The following IQSEC1 variants were observed in gnomAD, a reference collection of about 807,000 sequenced individuals.
IQSEC1 encodes the protein IQ motif and Sec7 domain ArfGEF 1.
A neutral mutation model predicts 91.0 loss-of-function variants in IQSEC1; 31 were observed. That is an observed-to-expected ratio of 0.34 (90% CI 0.26 to 0.46). IQSEC1 has a LOEUF of 0.46. IQSEC1 is among the 20% of genes least tolerant of loss of function. IQSEC1 has a pLI of 1.00. For synonymous variants in IQSEC1, 699 were observed against 662.6 expected (o/e 1.05, Z -0.84); for missense variants, 1,388 against 1,575.6 (o/e 0.88, Z 2.02).
chr3:12,908,489 C>T lies in IQSEC1; in HGVS notation c.2615G>A (p.Ser872Asn), dbSNP rs1695227273. The change falls in exon 12 of 14, where the codon AGC becomes AAC. Residue 872 changes from serine to asparagine, a missense_variant. Physicochemically the swap from Ser to Asn is conservative, Grantham distance 46. Transcript: ENST00000613206. The surrounding 1 kb of genome is among the most constrained non-coding windows in gnomAD (Gnocchi z 4.9). ...TTTGAGGCTAGAGCACTGGGACATG[C>T]TGGGCCGCACGACGCCTTTCTGCTT... is the stretch of plus-strand genomic sequence containing the variant. ...LEKQKGVVRP[S>N]MSQCSSLKKE... The T allele has an allele frequency of 6.2e-7, 1 of 1,613,600 alleles. No homozygotes were observed. The highest frequency in any genetic ancestry group is 8.5e-7 in the Non-Finnish European group (1 of 1,180,020).
intron 1 of IQSEC1, among the ~76,000 whole-genome samples, chr3:13,233,143 T>G (rs915956712): frequency 3.3e-5 from 5 of 152,312 alleles, no homozygotes; most frequent in Non-Finnish European, 7.4e-5. Flanking sequence ...CGCTGTGTAT[T>G]TTATCACAGA....
At chr3:13,163,501 T>C (rs357176) in intron 2 of IQSEC1, among the ~76,000 whole-genome samples, 136,663 of 152,128 alleles carry the variant, frequency 0.9, 61,612 homozygotes, top group African/African-American at 0.97. Flanking sequence ...CTGCTGGGCC[T>C]CAGGCCCCGT....
chr3:13,281,521 C>A (rs76615597), intron 1 of IQSEC1, among the ~76,000 whole-genome samples: 2,447 of 152,250 alleles, frequency 0.016, 73 homozygotes, highest in African/African-American at 0.056. Flanking sequence ...CTCCAAAGAG[C>A]CCCCCAGCCC....
Position 12,935,805 on chromosome 3 carries a change from G to T in IQSEC1, c.1211C>A (p.Pro404His). 6.2e-7 allele frequency: 1 copy of T among 1,607,692 alleles called. No individual in the cohort carries two copies. ...ERSLGGQQGS[P>H]KHGPHSGAPK... Reference sequence around the variant, plus strand: ...GGCGCCGCTGTGGGGACCATGCTTGGGACTGCCCTGCTGCCCGCCAAGGCT... The same window carrying T: ...GGCGCCGCTGTGGGGACCATGCTTGTGACTGCCCTGCTGCCCGCCAAGGCT... The change falls in exon 3 of 14, where the codon CCC (proline) becomes CAC (histidine). Residue 404 changes from proline to histidine, a missense_variant. Coordinates refer to ENST00000613206, the MANE Select transcript of IQSEC1 (RefSeq NM_001134382.3). The surrounding 1 kb of genome is among the most constrained non-coding windows in gnomAD (Gnocchi z 8.0).
At chr3:12,920,745 C>T in intron 5 of IQSEC1, 149 bp from the exon 6 acceptor site, 1 of 814,442 alleles carries the variant, frequency 1.2e-6, no homozygotes, top group East Asian at 2.7e-5. Flanking sequence ...TTGGCCCTGA[C>T]TACTCACTTG....
At chr3:12,903,292 C>A (rs114500783) in intron 12 of IQSEC1, among the ~76,000 whole-genome samples, 2,489 of 152,234 alleles carry the variant, frequency 0.016, 68 homozygotes, top group African/African-American at 0.056. Context: ...TATATCCGCA[C>A]ACACACATAT....
chr3:13,208,400 G>C (rs1023113047), intron 1 of IQSEC1, among the ~76,000 whole-genome samples: 1 of 152,174 alleles, frequency 6.6e-6, no homozygotes, highest in Admixed American at 6.5e-5. Context: ...TAGCTCATTG[G>C]CCACGTCTCC....
chr3:13,246,641 C>T (rs548592161), intron 1 of IQSEC1, among the ~76,000 whole-genome samples: 4 of 152,342 alleles, frequency 2.6e-5, no homozygotes, highest in Non-Finnish European at 4.4e-5. Flanking sequence ...TGTGCTCCAG[C>T]GTCTGAGCTA....
At chr3:13,185,583 C>A (rs1693917639) in intron 1 of IQSEC1, among the ~76,000 whole-genome samples, 1 of 152,158 alleles carries the variant, frequency 6.6e-6, no homozygotes, top group African/African-American at 2.4e-5. Flanking sequence ...CAAACACAGG[C>A]ATCATTAACT....
intron 1 of IQSEC1, among the ~76,000 whole-genome samples, chr3:13,235,034 G>C (rs533134428): frequency 6.6e-6 from 1 of 152,216 alleles, no homozygotes; most frequent in Non-Finnish European, 1.5e-5. Context: ...GTCTGGGGAC[G>C]GGCTCTGGGG....
At chr3:13,185,283 C>T (rs1693911966) in intron 1 of IQSEC1, among the ~76,000 whole-genome samples, 1 of 152,218 alleles carries the variant, frequency 6.6e-6, no homozygotes, top group Non-Finnish European at 1.5e-5. Flanking sequence ...ACCCACTATT[C>T]CGTCAGGTCT....
intron 1 of IQSEC1, among the ~76,000 whole-genome samples, chr3:13,025,202 GT>G (rs1703565896): frequency 6.6e-6 from 1 of 152,240 alleles, no homozygotes; most frequent in Non-Finnish European, 1.5e-5. Context: ...GCGAGGGCAG[GT>G]CTGCGTGGAA....
intron 2 of IQSEC1, among the ~76,000 whole-genome samples, chr3:13,117,991 G>A (rs1233757335): frequency 2.0e-5 from 3 of 152,168 alleles, no homozygotes; most frequent in Non-Finnish European, 4.4e-5. Flanking sequence ...GTGCACTGCT[G>A]GTGGGAGTGT....
chr3:13,053,498 G>C (rs926047359), intron 1 of IQSEC1, among the ~76,000 whole-genome samples: 1 of 152,238 alleles, frequency 6.6e-6, no homozygotes, highest in Non-Finnish European at 1.5e-5. Context: ...TCAGCCAGAC[G>C]ATGACCTTGT....
At chr3:12,934,159 G>C (rs1697955609) in intron 3 of IQSEC1, among the ~76,000 whole-genome samples, 1 of 152,242 alleles carries the variant, frequency 6.6e-6, no homozygotes, top group South Asian at 2.1e-4. Flanking sequence ...GGCCTGTGCA[G>C]CAGTGAGAGC....
chr3:12,978,562 C>T (rs1209112960), intron 1 of IQSEC1, among the ~76,000 whole-genome samples: 6 of 151,910 alleles, frequency 3.9e-5, no homozygotes, highest in African/African-American at 9.7e-5. Flanking sequence ...AAAAATTAGC[C>T]GGGCGTGGGG....
intron 3 of IQSEC1, among the ~76,000 whole-genome samples, chr3:12,931,384 C>T (rs1319247592): frequency 6.6e-6 from 1 of 152,222 alleles, no homozygotes; most frequent in Non-Finnish European, 1.5e-5. Flanking sequence ...GGGCCCAGCA[C>T]TTCTGGTGTG....
intron 12 of IQSEC1, among the ~76,000 whole-genome samples, chr3:12,906,020 C>T (rs990373077): frequency 6.6e-5 from 10 of 152,190 alleles, no homozygotes; most frequent in Non-Finnish European, 1.3e-4. Flanking sequence ...CGGCGCCAGC[C>T]CCCTTCCCTC....
chr3:12,945,578 A>T (rs989052666), intron 1 of IQSEC1, among the ~76,000 whole-genome samples: 3 of 152,160 alleles, frequency 2.0e-5, no homozygotes, highest in African/African-American at 7.2e-5. Context: ...CCCCAAAAAA[A>T]AGAAATGGCT....
Sources: gnomAD v4.1 joint callset for allele counts (sites outside exome capture counted in the v4.1 genomes callset) on GRCh38, gnomAD v4.1.1 for gene constraint, Gnocchi (gnomAD v3.1) non-coding constraint, MANE v1.5 for transcripts, NCBI Gene and HGNC (gene_info 2026-07-23, HGNC 2026-07-21) for gene names.